Variants in DMD observed in about 807,000 individuals in gnomAD.
DMD encodes the protein mutant dystrophin.
A neutral mutation model predicts 330.1 loss-of-function variants in DMD; 63 were observed. The observed-to-expected ratio is 0.19, with a 90% CI of 0.16 to 0.24. The LOEUF (loss-of-function observed/expected upper bound fraction) is 0.24, where lower values mean the gene tolerates loss of function less well. Ranked by LOEUF, DMD falls within the 10% of genes least tolerant of loss-of-function variation. The pLI is 1.00. For synonymous variants in DMD, 1,223 were observed against 959.8 expected (o/e 1.27, Z -5.07); for missense variants, 3,344 against 2,684.1 (o/e 1.25, Z -5.43).
intron 54 of DMD, among the ~76,000 whole-genome samples, chrX:31,642,114 G>T (rs1049468142): frequency 3.6e-5 from 4 of 111,326 alleles, no homozygotes; most frequent in Non-Finnish European, 7.5e-5. Flanking sequence ...CCTCACGAAA[G>T]TCAACATTCT....
chrX:32,517,771 G>A (rs1388183182), intron 18 of DMD: 1 of 431,405 alleles, frequency 2.3e-6, no homozygotes, highest in Non-Finnish European at 4.1e-6. Context: ...TAAATAATAT[G>A]TAAGTTAAGG....
At chrX:33,231,125 A>G in intron 1 of DMD, among the ~76,000 whole-genome samples, 1 of 111,436 alleles carries the variant, frequency 9.0e-6, no homozygotes, top group South Asian at 3.7e-4. Flanking sequence ...AGTTTTGTAA[A>G]CTCAGAACTC....
chrX:32,448,165 T>C (rs1213485382), intron 27 of DMD, among the ~76,000 whole-genome samples: 1 of 110,993 alleles, frequency 9.0e-6, no homozygotes, highest in Non-Finnish European at 1.9e-5. Flanking sequence ...GTAATGAGAA[T>C]TAGAAGCATA....
chrX:31,781,299 T>C (rs956264782), intron 50 of DMD, among the ~76,000 whole-genome samples: 14 of 112,513 alleles, frequency 1.2e-4, no homozygotes, highest in African/African-American at 4.5e-4. Context: ...CTGCACATAT[T>C]TCTAAGAATC....
At chrX:32,994,141 A>G (rs1452991504) in intron 2 of DMD, among the ~76,000 whole-genome samples, 1 of 110,036 alleles carries the variant, frequency 9.1e-6, no homozygotes, top group Admixed American at 9.8e-5. Flanking sequence ...GGGACACATG[A>G]GGGGTCTTAT....
chrX:32,463,381 T>C, intron 25 of DMD, 58 bp downstream of exon 25: 4 of 1,076,784 alleles, frequency 3.7e-6, no homozygotes, highest in Non-Finnish European at 3.7e-6. Context: ...AAGGGAGACA[T>C]TAGGAAATCT....
chrX:31,688,574 A>C (rs2082864088), intron 52 of DMD, among the ~76,000 whole-genome samples: 1 of 111,838 alleles, frequency 8.9e-6, no homozygotes, highest in African/African-American at 3.3e-5. Context: ...TTCTAAAACT[A>C]TTCCAATCAA....
At chrX:31,626,709 GAGA>G (rs1236141846) in intron 55 of DMD, among the ~76,000 whole-genome samples, 2 of 111,547 alleles carry the variant, frequency 1.8e-5, no homozygotes, top group African/African-American at 3.3e-5. Flanking sequence ...GGAGGGAGAG[GAGA>G]AGAACTTCTG....
At chrX:32,885,199 G>A (rs2084400179) in intron 2 of DMD, among the ~76,000 whole-genome samples, 1 of 111,965 alleles carries the variant, frequency 8.9e-6, no homozygotes, top group African/African-American at 3.2e-5. Context: ...AAACCAGAAT[G>A]AATTTAATCA....
intron 1 of DMD, among the ~76,000 whole-genome samples, chrX:33,192,165 G>A (rs369924235): frequency 8.9e-6 from 1 of 112,034 alleles, no homozygotes. Context: ...AGCATGAAGA[G>A]TGTCACTTCA....
rs910331812 is a variant in DMD at position 32,703,593 on chromosome X, T to G, written c.650-4300A>C. On this transcript the variant is annotated intron_variant, in intron 7 of 78. Coordinates refer to ENST00000357033, the MANE Select transcript of DMD (RefSeq NM_004006.3). ...GCCACCCCATAATTATAAACATTAC[T>G]TTTTATGGGAAATCAAAATAAATGT... 3.6e-5 allele frequency among the ~76,000 whole-genome samples: 4 copies of G among 111,645 alleles called. No homozygotes were observed. The Admixed American group carries it at 3.8e-4, about 11-fold the overall frequency.
intron 1 of DMD, among the ~76,000 whole-genome samples, chrX:33,282,955 T>C (rs1359246410): frequency 8.9e-6 from 1 of 112,261 alleles, no homozygotes; most frequent in African/African-American, 3.2e-5. Flanking sequence ...TCCTTTACAA[T>C]TTTCTTTTGA....
chrX:32,241,222 C>T (rs1405232319), intron 43 of DMD, among the ~76,000 whole-genome samples: 1 of 112,343 alleles, frequency 8.9e-6, no homozygotes, highest in East Asian at 2.8e-4. Flanking sequence ...CAGGTATCCT[C>T]ATCTAGCATT....
chrX:32,030,849 T>C (rs1192079602), intron 44 of DMD, among the ~76,000 whole-genome samples: 1 of 111,801 alleles, frequency 8.9e-6, no homozygotes, highest in African/African-American at 3.2e-5. Context: ...GGTATGATTA[T>C]AGGAAGGTTA....
At chrX:33,267,530 A>C (rs1468039037) in intron 1 of DMD, among the ~76,000 whole-genome samples, 1 of 111,358 alleles carries the variant, frequency 9.0e-6, no homozygotes, top group Non-Finnish European at 1.9e-5. Flanking sequence ...CAAAAAAAAA[A>C]ATAAAAGAGC....
chrX:32,871,892 C>G (rs1180583851), intron 2 of DMD, among the ~76,000 whole-genome samples: 2 of 110,991 alleles, frequency 1.8e-5, no homozygotes, highest in East Asian at 2.8e-4. Flanking sequence ...CAGTCACCCC[C>G]TCCCTCCCCA....
At chrX:32,779,774 C>T (rs371563679) in intron 7 of DMD, among the ~76,000 whole-genome samples, 2 of 105,261 alleles carry the variant, frequency 1.9e-5, no homozygotes, top group Non-Finnish European at 1.9e-5. Flanking sequence ...TGTTAAATGA[C>T]GAGCTAATGG....
chrX:32,134,725 C>T (rs375039002), intron 44 of DMD, among the ~76,000 whole-genome samples: 2 of 111,420 alleles, frequency 1.8e-5, no homozygotes, highest in African/African-American at 6.5e-5. Flanking sequence ...GGGAACCAGA[C>T]GTTGTTATTG....
chrX:31,792,985 T>C (rs1344435311), intron 50 of DMD, among the ~76,000 whole-genome samples: 2 of 110,797 alleles, frequency 1.8e-5, no homozygotes, highest in Non-Finnish European at 3.8e-5. Flanking sequence ...GGATTGTAAA[T>C]GTGAGGGATT....
Sources: allele counts gnomAD v4.1 joint callset (sites outside exome capture counted in the v4.1 genomes callset), GRCh38; gene constraint gnomAD v4.1.1; transcripts MANE v1.5; gene names NCBI Gene and HGNC (gene_info 2026-07-23, HGNC 2026-07-21).